The following STK17A variants were observed in gnomAD, a reference collection of about 807,000 sequenced individuals.
STK17A encodes the protein serine/threonine kinase 17a.
A neutral mutation model predicts 43.7 loss-of-function variants in STK17A; 26 were observed. The ratio of observed to expected loss-of-function variants is 0.60; its 90% confidence interval spans 0.44 to 0.83. STK17A has a LOEUF of 0.83. STK17A is among the 40% of genes least tolerant of loss of function. The probability of loss-of-function intolerance (pLI) is 0.00; values close to 1 mark genes in which losing one functional copy is unlikely to be tolerated. For synonymous variants in STK17A, 191 were observed against 182.5 expected (o/e 1.05, Z -0.38); for missense variants, 476 against 511.6 (o/e 0.93, Z 0.67).
chr7:43,593,867 T>C (rs2082497384), intron 1 of STK17A, among the ~76,000 whole-genome samples: 1 of 152,172 alleles, frequency 6.6e-6, no homozygotes, highest in Non-Finnish European at 1.5e-5. Context: ...ATTTTTAAAA[T>C]ATAGTATGAG....
rs562448976 is a variant in STK17A, at chr7:43,614,162, A to C, written c.565-5435A>C. ...AACTTTACAATGATCTTAGCCGCCA[A>C]ATCTTCTCCAGTGGTGATTGTTCAG... On this transcript the variant is annotated intron_variant, in intron 3 of 6. Coordinates refer to ENST00000319357, the MANE Select transcript of STK17A (RefSeq NM_004760.3). Among the ~76,000 whole-genome samples, 6 of 152,262 alleles carry C rather than the reference A, an allele frequency of 3.9e-5. No homozygotes were observed. In the South Asian group the frequency reaches 6.2e-4, roughly 16 times the overall value.
intron 3 of STK17A, among the ~76,000 whole-genome samples, chr7:43,616,332 AAT>A (rs1264827255): frequency 2.6e-5 from 4 of 152,164 alleles, no homozygotes; most frequent in African/African-American, 9.7e-5. Context: ...TCTTATTGCT[AAT>A]ATTTATACTA....
rs200968580 is a variant in STK17A at position 43,595,974 on chromosome 7, A to G, written c.280A>G (p.Lys94Glu). Reference protein sequence around the residue: ...GKEFAAKFMRKRRKGQDCRME... With the variant: ...GKEFAAKFMRERRKGQDCRME... Reference sequence around the variant, plus strand: ...AGAATTTGCTGCAAAGTTCATGAGAAAAAGAAGAAAAGGCCAAGATTGTCG... The same window carrying G: ...AGAATTTGCTGCAAAGTTCATGAGAGAAAGAAGAAAAGGCCAAGATTGTCG... The change falls in exon 2 of 7, where the codon AAA (lysine) becomes GAA (glutamate). Residue 94 changes from lysine (K) to glutamate (E), a missense_variant. Physicochemically the swap from Lys to Glu is moderately conservative, Grantham distance 56. Coordinates refer to ENST00000319357, the MANE Select transcript of STK17A (RefSeq NM_004760.3). The G allele has an allele frequency of 6.2e-7, 1 of 1,613,994 alleles. No individual in the cohort carries two copies. Among genetic ancestry groups the G allele is most frequent in the Admixed American group, 1.7e-5 (1 of 60,030 alleles).
chr7:43,595,566 A>G (rs574129304), intron 1 of STK17A, among the ~76,000 whole-genome samples: 1 of 152,170 alleles, frequency 6.6e-6, no homozygotes, highest in African/African-American at 2.4e-5. Flanking sequence ...AAGGTGCACC[A>G]TGCCTGGCTT....
intron 3 of STK17A, among the ~76,000 whole-genome samples, chr7:43,616,795 G>A (rs2083393115): frequency 6.6e-6 from 1 of 152,192 alleles, no homozygotes; most frequent in South Asian, 2.1e-4. Flanking sequence ...TACTCGGGAG[G>A]CTGAGGCAGG....
In STK17A at chr7:43,627,213, T is replaced by A. The variant is rs1433347427; in HGVS notation, c.*2371T>A. Among the ~76,000 whole-genome samples, 1 of 152,182 alleles carries A rather than the reference T, an allele frequency of 6.6e-6. No individual in the cohort carries two copies. Among genetic ancestry groups the A allele is most frequent in the Non-Finnish European group, 1.5e-5 (1 of 68,042 alleles). On this transcript the variant is annotated 3_prime_UTR_variant, in exon 7 of 7. Coordinates refer to ENST00000319357, the MANE Select transcript of STK17A (RefSeq NM_004760.3). ...GTTTTAATCAACTGGGAAATGATAT[T>A]TGATTGATCTTGTGTTTTGTTGTTT... is the stretch of plus-strand genomic sequence containing the variant.
At chr7:43,603,604 C>T (rs2082569791) in intron 2 of STK17A, among the ~76,000 whole-genome samples, 1 of 152,170 alleles carries the variant, frequency 6.6e-6, no homozygotes, top group South Asian at 2.1e-4. Flanking sequence ...AATTCCACAT[C>T]TGACCTTATA....
At position 43,604,029 on chromosome 7, in the gene STK17A, A is replaced by G. The variant is rs79783085; in HGVS notation, c.420-4227A>G. ...ATTTGGCCTATAAATGATTGCAGCAATGTTGATGATTTACTAGGAGTTCTT... is the reference window on the plus strand; with the variant it reads ...ATTTGGCCTATAAATGATTGCAGCAGTGTTGATGATTTACTAGGAGTTCTT... On this transcript the variant is annotated intron_variant, in intron 2 of 6. Coordinates refer to ENST00000319357, the MANE Select transcript of STK17A (RefSeq NM_004760.3). Among the ~76,000 whole-genome samples, 1,085 of 152,292 alleles carry G rather than the reference A, an allele frequency of 7.1e-3. 10 individuals carry two copies. The highest frequency in any genetic ancestry group is 0.025 in the African/African-American group (1,028 of 41,556).
intron 3 of STK17A, among the ~76,000 whole-genome samples, chr7:43,616,947 CCT>C (rs919603506): frequency 2.6e-5 from 4 of 152,146 alleles, no homozygotes; most frequent in African/African-American, 7.2e-5. Flanking sequence ...TATTGTAGCC[CCT>C]CTCATCTATG....
chr7:43,586,986 A>T (rs2152970285), intron 1 of STK17A, among the ~76,000 whole-genome samples: 1 of 151,470 alleles, frequency 6.6e-6, no homozygotes, highest in East Asian at 1.9e-4. Context: ...TGAGAAAACA[A>T]AGACAGATTT....
Position 43,604,208 on chromosome 7 carries a change from G to GA in STK17A, c.420-4039dup, listed in dbSNP as rs891750423. Reference sequence around the variant, plus strand: ...TTTTAGAACACAATTTTATATATAAGAAAAAAAAATCAACCTTAGGTTGTG... The same window carrying GA: ...TTTTAGAACACAATTTTATATATAAGAAAAAAAAAATCAACCTTAGGTTGTG... On this transcript the variant is annotated intron_variant, in intron 2 of 6. Transcript: ENST00000319357. Among the ~76,000 whole-genome samples the GA allele has an allele frequency of 2.8e-3, 422 of 151,242 alleles. 2 individuals are homozygous for GA. The highest frequency in any genetic ancestry group is 9.4e-3 in the African/African-American group (387 of 41,270).
chr7:43,611,674 A>T (rs1158595437), intron 3 of STK17A, among the ~76,000 whole-genome samples: 1 of 152,166 alleles, frequency 6.6e-6, no homozygotes, highest in East Asian at 1.9e-4. Flanking sequence ...CTGGGCTAAT[A>T]CTTTAAGTAT....
Position 43,625,424 on chromosome 7 carries a change from A to G in STK17A, c.*582A>G, listed in dbSNP as rs2084396263. On this transcript the variant is annotated 3_prime_UTR_variant, in exon 7 of 7. Transcript: ENST00000319357. ...TTTGGTTTCTGTTGTGTTTTTGCCT[A>G]AATACTAGTAACATATCAGTGAAAA... 6.6e-6 allele frequency: 1 copy of G among 152,190 alleles called. No homozygotes were observed. Among genetic ancestry groups the G allele is most frequent in the Non-Finnish European group, 1.5e-5 (1 of 68,040 alleles). 9.4% of individuals were successfully genotyped at this position (152,190 alleles called of 1,614,324 possible). A position where few individuals can be genotyped will look rare whatever the true frequency, so the allele number is the denominator to read the frequency against.
chr7:43,591,331 T>C (rs2082478030), intron 1 of STK17A, among the ~76,000 whole-genome samples: 2 of 151,550 alleles, frequency 1.3e-5, no homozygotes, highest in Admixed American at 1.3e-4. Flanking sequence ...GCTTATGAAA[T>C]TAAATTTCAG....
At position 43,623,727 on chromosome 7, in the gene STK17A, A is replaced by G. The variant is rs761677505; in HGVS notation, c.759A>G (p.Thr253=). The change falls in exon 6 of 7, where the codon ACA becomes ACG. Residue 253 remains threonine (T), a synonymous_variant. Transcript: ENST00000319357. ...ATDMWSIGVL[T]YVMLTGISPF... is the part of the protein sequence containing the mutation. ...AATTTAGGAGCATTGGAGTGTTAACATATGTCATGCTTACAGGAATATCAC... is the reference window on the plus strand; with the variant it reads ...AATTTAGGAGCATTGGAGTGTTAACGTATGTCATGCTTACAGGAATATCAC... The G allele has an allele frequency of 8.7e-6, 14 of 1,607,474 alleles. No individual in the cohort carries two copies. Among genetic ancestry groups the G allele is most frequent in the African/African-American group, 1.3e-5 (1 of 74,752 alleles).
intron 2 of STK17A, among the ~76,000 whole-genome samples, chr7:43,598,168 A>G (rs954186912): frequency 2.6e-5 from 4 of 152,098 alleles, no homozygotes; most frequent in Non-Finnish European, 4.4e-5. Flanking sequence ...CAGATAAACC[A>G]TATTTATAAA....
intron 3 of STK17A, among the ~76,000 whole-genome samples, chr7:43,612,320 A>T (rs969075891): frequency 1.3e-5 from 2 of 152,180 alleles, no homozygotes; most frequent in Non-Finnish European, 2.9e-5. Context: ...TGGGGTTGGT[A>T]TGGCAACCAT....
At position 43,626,639 on chromosome 7, in the gene STK17A, A is replaced by G. The variant is rs926753084; in HGVS notation, c.*1797A>G. The G allele has an allele frequency of 4.6e-5, 7 of 152,180 alleles. No homozygotes were observed. Among genetic ancestry groups the G allele is most frequent in the African/African-American group, 1.7e-4 (7 of 41,438 alleles). 9.4% of individuals were successfully genotyped at this position (152,180 alleles called of 1,614,324 possible). ...TATTAGGCAAATATTTATCTCTCTGAAAAAATAGGGAGGAGGTGACCAGGA... is the reference window on the plus strand; with the variant it reads ...TATTAGGCAAATATTTATCTCTCTGGAAAAATAGGGAGGAGGTGACCAGGA... On this transcript the variant is annotated 3_prime_UTR_variant, in exon 7 of 7. Transcript: ENST00000319357.
chr7:43,598,885 C>G (rs542636640), intron 2 of STK17A, among the ~76,000 whole-genome samples: 1 of 151,934 alleles, frequency 6.6e-6, no homozygotes, highest in African/African-American at 2.4e-5. Flanking sequence ...GTGTCAGCCT[C>G]CTCAGTAGCT....
Sources: allele counts gnomAD v4.1 joint callset (sites outside exome capture counted in the v4.1 genomes callset), GRCh38; gene constraint gnomAD v4.1.1; transcripts MANE v1.5; gene names NCBI Gene and HGNC (gene_info 2026-07-23, HGNC 2026-07-21).